LMO3: variants seen among roughly 807,000 people sequenced by gnomAD.
LMO3 encodes the protein LIM domain only 3.
A neutral mutation model predicts 15.8 loss-of-function variants in LMO3; 2 were observed. The observed-to-expected ratio is 0.13, with a 90% CI of 0.05 to 0.40. The LOEUF is 0.40. LMO3 is among the 10% of genes least tolerant of loss of function. The pLI is 0.99. For synonymous variants in LMO3, 62 were observed against 63.8 expected (o/e 0.97, Z 0.13); for missense variants, 86 against 182.2 (o/e 0.47, Z 3.04).
In LMO3 at chr12:16,550,657, A is replaced by G. The variant is rs1941954664; in HGVS notation, c.*565T>C. On this transcript the variant is annotated 3_prime_UTR_variant, in exon 4 of 4. Coordinates refer to ENST00000537304, the MANE Select transcript of LMO3 (RefSeq NM_018640.5). ...GCGGCAATAAGTAGTGGATGTCACT[A>G]AAATGCTCTGTGTGTGTCTTTATTT... 1 of 152,558 alleles carries G rather than the reference A, an allele frequency of 6.6e-6. No homozygotes were observed. The highest frequency in any genetic ancestry group is 3.4e-3 in the Middle Eastern group (1 of 294). The allele number at this position is 152,558 out of a possible 1,614,324, so 9.5% of individuals were successfully genotyped here. A position where few individuals can be genotyped will look rare whatever the true frequency, so the allele number is the denominator to read the frequency against.
At position 16,582,061 on chromosome 12, in the gene LMO3, CT is replaced by C. The variant is rs1258968835; in HGVS notation, c.206+18593del. On this transcript the variant is annotated intron_variant, in intron 2 of 3. Coordinates refer to ENST00000537304, the MANE Select transcript of LMO3 (RefSeq NM_018640.5). The surrounding 1 kb of genome is among the most constrained non-coding windows in gnomAD (Gnocchi z 4.1). ...GAGGGACAATAATGAGTATCCCTGG[CT>C]TTTTCTTGGCTTTAATGGAAATTAC... 6.6e-6 allele frequency among the ~76,000 whole-genome samples: 1 copy of C among 152,036 alleles called. No homozygotes were observed. The highest frequency in any genetic ancestry group is 1.5e-5 in the Non-Finnish European group (1 of 67,990).
chr12:16,569,675 C>T (rs969303843), intron 2 of LMO3, among the ~76,000 whole-genome samples: 2 of 152,038 alleles, frequency 1.3e-5, no homozygotes, highest in South Asian at 2.1e-4. Flanking sequence ...ACAAAATCTT[C>T]GATCTGAAAA....
chr12:16,605,381 G>A lies in LMO3; in HGVS notation c.-9+685C>T, dbSNP rs534106442. On this transcript the variant is annotated intron_variant, in intron 1 of 3. Transcript: ENST00000537304. ...TTGAATCTCAATCTATTAGGATATA[G>A]GCACCTTGGTCCAGGGACCTTCCCT... 22 of 1,188,554 alleles carry A rather than the reference G, an allele frequency of 1.9e-5. No individual in the cohort carries two copies. The African/African-American group carries it at 1.9e-4, about 10-fold the overall frequency. 73.6% of individuals were successfully genotyped at this position (1,188,554 alleles called of 1,614,324 possible). A position where few individuals can be genotyped will look rare whatever the true frequency, so the allele number is the denominator to read the frequency against.
At position 16,569,212 on chromosome 12, in the gene LMO3, A is replaced by C. The variant is rs1176731386; in HGVS notation, c.207-8674T>G. On this transcript the variant is annotated intron_variant, in intron 2 of 3. Transcript: ENST00000537304. Reference sequence around the variant, plus strand: ...AAAATATCCCATGTCTACACACAAAACCTTACACAATTATTTAGTGTCAGA... The same window carrying C: ...AAAATATCCCATGTCTACACACAAACCCTTACACAATTATTTAGTGTCAGA... Among the ~76,000 whole-genome samples, 7 of 152,252 alleles carry C rather than the reference A, an allele frequency of 4.6e-5. No homozygotes were observed. The East Asian group carries it at 1.4e-3, about 29-fold the overall frequency.
At position 16,586,801 on chromosome 12, in the gene LMO3, C is replaced by T. The variant is rs751803797; in HGVS notation, c.206+13854G>A. ...TTGCATTACTTTTGTAACCTTTCTC[C>T]CAAAGGAACATGTAAGCCATACACA... On this transcript the variant is annotated intron_variant, in intron 2 of 3. Transcript: ENST00000537304. This position sits in a 1 kb window ranked among gnomAD's most constrained non-coding sequence, Gnocchi z 4.3. 2.6e-5 allele frequency among the ~76,000 whole-genome samples: 4 copies of T among 152,116 alleles called. No individual in the cohort carries two copies. The highest frequency in any genetic ancestry group is 4.4e-5 in the Non-Finnish European group (3 of 68,030).
intron 2 of LMO3, among the ~76,000 whole-genome samples, chr12:16,564,300 G>A (rs1942513194): frequency 6.6e-6 from 1 of 152,166 alleles, no homozygotes; most frequent in African/African-American, 2.4e-5. Context: ...TGTATGGGTG[G>A]CATTGCAAGA....
rs966608086 is a variant in LMO3 at position 16,585,189 on chromosome 12, G to A, written c.206+15466C>T. Among the ~76,000 whole-genome samples, 3 of 152,102 alleles carry A rather than the reference G, an allele frequency of 2.0e-5. No individual in the cohort carries two copies. The highest frequency in any genetic ancestry group is 6.6e-5 in the Admixed American group (1 of 15,264). On this transcript the variant is annotated intron_variant, in intron 2 of 3. Transcript: ENST00000537304. The surrounding 1 kb of genome is among the most constrained non-coding windows in gnomAD (Gnocchi z 4.7). ...AACGTTATTTTTCCTTCCAGACTCC[G>A]GAACCTGGAGGCAATTGAGTTTGTA...
At position 16,605,645 on chromosome 12, in the gene LMO3, T is replaced by C. The variant is rs1476398497; in HGVS notation, c.-9+421A>G. ...CCCACCCAGGACTGAATTCTTTTCC[T>C]ATGGGCTGGGAGCAAACACTTCCTA... On this transcript the variant is annotated intron_variant, in intron 1 of 3. Coordinates refer to ENST00000537304, the MANE Select transcript of LMO3 (RefSeq NM_018640.5). 3.1e-6 allele frequency: 3 copies of C among 982,678 alleles called. No individual in the cohort carries two copies. In the Admixed American group the frequency reaches 7.1e-5, roughly 23 times the overall value. 60.9% of individuals were successfully genotyped at this position (982,678 alleles called of 1,614,324 possible).
intron 2 of LMO3, among the ~76,000 whole-genome samples, chr12:16,574,462 C>G (rs1942930500): frequency 6.6e-6 from 1 of 152,120 alleles, no homozygotes; most frequent in Non-Finnish European, 1.5e-5. Context: ...AATAGATATT[C>G]CCAACAGCCC....
intron 2 of LMO3, among the ~76,000 whole-genome samples, chr12:16,574,355 G>T (rs774149693): frequency 1.3e-5 from 2 of 152,076 alleles, no homozygotes; most frequent in African/African-American, 2.4e-5. Context: ...GACACCACAC[G>T]GTGTGCAGAG....
chr12:16,572,083 C>CA (rs1451087725), intron 2 of LMO3, among the ~76,000 whole-genome samples: 1 of 151,638 alleles, frequency 6.6e-6, no homozygotes, highest in Non-Finnish European at 1.5e-5. Flanking sequence ...GAAAGAGATT[C>CA]AAAAAGACAA....
intron 2 of LMO3, chr12:16,594,343 TAAAAA>T: frequency 7.4e-7 from 1 of 1,358,676 alleles, no homozygotes; most frequent in Non-Finnish European, 9.6e-7. Context: ...AACTAAAAAA[TAAAAA>T]AGAAAGAAAA....
Position 16,598,926 on chromosome 12 carries a change from A to G in LMO3, c.206+1729T>C. 3.1e-6 allele frequency: 1 copy of G among 327,672 alleles called. No individual in the cohort carries two copies. Among genetic ancestry groups the G allele is most frequent in the South Asian group, 2.5e-5 (1 of 39,498 alleles). The allele number at this position is 327,672 out of a possible 1,614,324, so 20.3% of individuals were successfully genotyped here. ...CACCTTAACATTGCCCGGGCTATAT[A>G]AACTCCTTATTTGAAATGGTAACAT... is the stretch of plus-strand genomic sequence containing the variant. On this transcript the variant is annotated intron_variant, in intron 2 of 3. Transcript: ENST00000537304. The surrounding 1 kb of genome is among the most constrained non-coding windows in gnomAD (Gnocchi z 4.3).
At chr12:16,553,077 A>G (rs1399475273) in intron 3 of LMO3, among the ~76,000 whole-genome samples, 1 of 152,128 alleles carries the variant, frequency 6.6e-6, no homozygotes, top group Non-Finnish European at 1.5e-5. Context: ...AACATAGGTA[A>G]AATAGCCACC....
intron 1 of LMO3, chr12:16,605,681 C>G: frequency 7.6e-7 from 1 of 1,308,676 alleles, no homozygotes; most frequent in African/African-American, 1.5e-5. Flanking sequence ...ATTCCAAACT[C>G]TCCCTGCCCC....
upstream of LMO3, among the ~76,000 whole-genome samples, chr12:16,608,941 T>C (rs1944078795): frequency 6.6e-6 from 1 of 152,156 alleles, no homozygotes; most frequent in African/African-American, 2.4e-5. The surrounding 1 kb of genome is among the most constrained non-coding windows in gnomAD (Gnocchi z 4.1). Context: ...TACCTGACAG[T>C]AATTAGGTTT....
At chr12:16,608,127 AGTAT>A (rs1319229722), upstream of LMO3, 2 of 149,124 alleles carry the variant, frequency 1.3e-5, no homozygotes, top group African/African-American at 4.9e-5. The surrounding 1 kb of genome is among the most constrained non-coding windows in gnomAD (Gnocchi z 4.1). Flanking sequence ...AAAACACCCC[AGTAT>A]GTGTGAGTGT....
Position 16,604,759 on chromosome 12 carries a change from G to C in LMO3, c.-9+1307C>G, listed in dbSNP as rs1451033719. 1 of 1,218,522 alleles carries C rather than the reference G, an allele frequency of 8.2e-7. No homozygotes were observed. Among genetic ancestry groups the C allele is most frequent in the Admixed American group, 1.8e-5 (1 of 56,438 alleles). 75.5% of individuals were successfully genotyped at this position (1,218,522 alleles called of 1,614,324 possible). A position where few individuals can be genotyped will look rare whatever the true frequency, so the allele number is the denominator to read the frequency against. On this transcript the variant is annotated intron_variant, in intron 1 of 3. Coordinates refer to ENST00000537304, the MANE Select transcript of LMO3 (RefSeq NM_018640.5). This position sits in a 1 kb window ranked among gnomAD's most constrained non-coding sequence, Gnocchi z 5.3. The stretch of plus-strand genomic sequence containing the variant: ...AAAGCAGTTACAACAATAATATTTC[G>C]GTTCTTTCAGAAAGACACAAAAGCA...
In LMO3 at chr12:16,576,574, G is replaced by GT. The variant is rs1417163878; in HGVS notation, c.207-16037dup. Among the ~76,000 whole-genome samples, 4 of 152,054 alleles carry GT rather than the reference G, an allele frequency of 2.6e-5. No homozygotes were observed. The highest frequency in any genetic ancestry group is 5.9e-5 in the Non-Finnish European group (4 of 68,026). On this transcript the variant is annotated intron_variant, in intron 2 of 3. Transcript: ENST00000537304. The surrounding 1 kb of genome is among the most constrained non-coding windows in gnomAD (Gnocchi z 4.1). ...TATACTACTTCATCTTTCAGAATCTGTATCAGTTACGTACCTGTTTGTCTC... is the reference window on the plus strand; with the variant it reads ...TATACTACTTCATCTTTCAGAATCTGTTATCAGTTACGTACCTGTTTGTCTC...
Sources: gnomAD v4.1 joint callset for allele counts (sites outside exome capture counted in the v4.1 genomes callset) on GRCh38, gnomAD v4.1.1 for gene constraint, Gnocchi (gnomAD v3.1) non-coding constraint, MANE v1.5 for transcripts, NCBI Gene and HGNC (gene_info 2026-07-23, HGNC 2026-07-21) for gene names.